AZIN2: variants seen among roughly 807,000 people sequenced by gnomAD.
AZIN2 encodes the protein ODC antizyme inhibitor-2.
In AZIN2, 28 loss-of-function variants were observed where a neutral mutation model predicts 47.8. The ratio of observed to expected loss-of-function variants is 0.59; its 90% confidence interval spans 0.43 to 0.80. AZIN2 has a LOEUF of 0.80. AZIN2 is among the 30% of genes least tolerant of loss of function. AZIN2 has a pLI of 0.00. For synonymous variants in AZIN2, 221 were observed against 239.4 expected (o/e 0.92, Z 0.71); for missense variants, 535 against 582.5 (o/e 0.92, Z 0.84).
intron 5 of AZIN2, among the ~76,000 whole-genome samples, chr1:33,085,629 C>T (rs1184275191): frequency 1.3e-5 from 2 of 151,960 alleles, no homozygotes; most frequent in African/African-American, 2.4e-5. Context: ...AGGGCTGGAG[C>T]GACTCCAGGT....
chr1:33,148,931 C>A, the AZIN2 span, among the ~76,000 whole-genome samples: 1 of 152,192 alleles, frequency 6.6e-6, no homozygotes, highest in South Asian at 2.1e-4. Context: ...AGGTCGTCTG[C>A]AATCTAGCGC....
At chr1:33,099,637 C>T (rs1463775996) in intron 10 of AZIN2, among the ~76,000 whole-genome samples, 1 of 152,226 alleles carries the variant, frequency 6.6e-6, no homozygotes, top group East Asian at 1.9e-4. Context: ...CGCCCCCCAC[C>T]GGGATCTTTG....
At chr1:33,153,459 G>A in the AZIN2 span, among the ~76,000 whole-genome samples, 1 of 152,198 alleles carries the variant, frequency 6.6e-6, no homozygotes, top group Non-Finnish European at 1.5e-5. Flanking sequence ...ATTTTTGGTT[G>A]TTACAACTGA....
rs11811844 is a variant in AZIN2, at chr1:33,085,435, G to T, written c.279+1308G>T. ...CAAGCCAGGTAGATAACCAGGGAAA[G>T]GGCATTTCAGGCAGCAGGAACAGCA... On this transcript the variant is annotated intron_variant, in intron 5 of 11. Coordinates refer to ENST00000294517, the MANE Select transcript of AZIN2 (RefSeq NM_052998.4). 9.4e-3 allele frequency among the ~76,000 whole-genome samples: 1,429 copies of T among 152,176 alleles called. 22 individuals carry two copies. Among genetic ancestry groups the T allele is most frequent in the African/African-American group, 0.032 (1,326 of 41,518 alleles).
At chr1:33,165,222 C>A in the AZIN2 span, 145 of 390,322 alleles carry the variant, frequency 3.7e-4, 3 homozygotes, top group East Asian at 6.1e-3. This position sits in a 1 kb window ranked among gnomAD's most constrained non-coding sequence, Gnocchi z 4.0. Context: ...GAGAAATGGC[C>A]CCGTCCTTAA....
the AZIN2 span, among the ~76,000 whole-genome samples, chr1:33,155,815 G>C: frequency 6.6e-6 from 1 of 151,942 alleles, no homozygotes; most frequent in Non-Finnish European, 1.5e-5. Flanking sequence ...ATCTGCCCTT[G>C]GGGGGGATCT....
chr1:33,162,093 C>T, the AZIN2 span, among the ~76,000 whole-genome samples: 4 of 152,230 alleles, frequency 2.6e-5, no homozygotes, highest in East Asian at 5.8e-4. Flanking sequence ...TACAAGTCAA[C>T]TCTTGTCTTT....
chr1:33,100,692 G>A (rs1643612809), intron 10 of AZIN2, among the ~76,000 whole-genome samples: 3 of 151,902 alleles, frequency 2.0e-5, no homozygotes, highest in Non-Finnish European at 4.4e-5. Context: ...AAAAAATAAG[G>A]AACTTAAAAA....
At chr1:33,136,012 G>A in the AZIN2 span, among the ~76,000 whole-genome samples, 2 of 151,854 alleles carry the variant, frequency 1.3e-5, no homozygotes, top group Non-Finnish European at 2.9e-5. Context: ...ACTGAGCTGG[G>A]GAAGGTGGAC....
chr1:33,144,906 G>A, the AZIN2 span, among the ~76,000 whole-genome samples: 6 of 152,314 alleles, frequency 3.9e-5, no homozygotes, highest in African/African-American at 1.4e-4. Flanking sequence ...GGGGGGATAG[G>A]GTAGGGCCTC....
At chr1:33,154,811 T>C in the AZIN2 span, among the ~76,000 whole-genome samples, 2 of 103,384 alleles carry the variant, frequency 1.9e-5, no homozygotes, top group African/African-American at 7.7e-5. Flanking sequence ...AAAAAAAAAG[T>C]GGCCAGGCGC....
At chr1:33,111,511 T>C (rs1296215423) in intron 10 of AZIN2, among the ~76,000 whole-genome samples, 1 of 152,020 alleles carries the variant, frequency 6.6e-6, no homozygotes, top group Non-Finnish European at 1.5e-5. Context: ...TTAGTTTTGA[T>C]CCCAGCATAA....
At chr1:33,096,560 G>C (rs761152485) in intron 8 of AZIN2, 147 bp from the exon 9 acceptor site, 55 of 978,144 alleles carry the variant, frequency 5.6e-5, no homozygotes, top group Non-Finnish European at 8.2e-5. Flanking sequence ...GCTGTCCACA[G>C]TTATCAGCTG....
chr1:33,114,361 T>C (rs1001548759), intron 10 of AZIN2, among the ~76,000 whole-genome samples: 3 of 147,646 alleles, frequency 2.0e-5, no homozygotes, highest in African/African-American at 5.0e-5. Context: ...TTTTCTTTTT[T>C]TTTTTTTTTT....
rs1644821111 is a variant in AZIN2 at position 33,122,896 on chromosome 1, C to T, written c.*2714C>T. On this transcript the variant is annotated 3_prime_UTR_variant, in exon 12 of 12. Coordinates refer to ENST00000294517, the MANE Select transcript of AZIN2 (RefSeq NM_052998.4). ...AGGACTGGCCCCTTCTTCCCCTTTCCCCTCCACAGTCCATCCTCCACTCAG... is the reference window on the plus strand; with the variant it reads ...AGGACTGGCCCCTTCTTCCCCTTTCTCCTCCACAGTCCATCCTCCACTCAG... Among the ~76,000 whole-genome samples the T allele has an allele frequency of 6.6e-6, 1 of 152,176 alleles. No homozygotes were observed. Among genetic ancestry groups the T allele is most frequent in the South Asian group, 2.1e-4 (1 of 4,832 alleles).
In AZIN2 at chr1:33,122,340, T is replaced by C. The variant is rs1311175500; in HGVS notation, c.*2158T>C. On this transcript the variant is annotated 3_prime_UTR_variant, in exon 12 of 12. Coordinates refer to ENST00000294517, the MANE Select transcript of AZIN2 (RefSeq NM_052998.4). The stretch of plus-strand genomic sequence containing the variant: ...GTGGCTGTCATGGAGTTTGGATGGA[T>C]TTCTCACTGGAGCCTTTCTAGTGTT... Among the ~76,000 whole-genome samples the C allele has an allele frequency of 6.6e-6, 1 of 152,206 alleles. No homozygotes were observed. The highest frequency in any genetic ancestry group is 1.9e-4 in the East Asian group (1 of 5,192).
At chr1:33,148,939 C>T in the AZIN2 span, among the ~76,000 whole-genome samples, 1 of 152,162 alleles carries the variant, frequency 6.6e-6, no homozygotes, top group Non-Finnish European at 1.5e-5. Context: ...TGCAATCTAG[C>T]GCCAGTCCTT....
At chr1:33,154,713 G>A in the AZIN2 span, among the ~76,000 whole-genome samples, 2 of 151,342 alleles carry the variant, frequency 1.3e-5, no homozygotes, top group East Asian at 2.0e-4. Flanking sequence ...CAGGAAAATC[G>A]CCTGAACCCA....
At chr1:33,137,674 C>T in the AZIN2 span, among the ~76,000 whole-genome samples, 1 of 152,290 alleles carries the variant, frequency 6.6e-6, no homozygotes, top group Admixed American at 6.5e-5. Context: ...AGAGTATGGG[C>T]TTGGGCTGGG....
Sources: allele counts gnomAD v4.1 joint callset (sites outside exome capture counted in the v4.1 genomes callset), GRCh38; gene constraint gnomAD v4.1.1; non-coding constraint Gnocchi (gnomAD v3.1); transcripts MANE v1.5; gene names NCBI Gene and HGNC (gene_info 2026-07-23, HGNC 2026-07-21).